Variants in NIM1K observed in about 807,000 individuals in gnomAD.
NIM1K encodes the protein NIM1 serine/threonine protein kinase.
Under a neutral mutation model 37.1 loss-of-function variants are expected in NIM1K, and 35 were observed. That is an observed-to-expected ratio of 0.94 (90% CI 0.72 to 1.25). The LOEUF is 1.25. NIM1K is among the 50% of genes most tolerant of loss of function. NIM1K has a pLI of 0.00. For synonymous variants in NIM1K, 234 were observed against 206.6 expected (o/e 1.13, Z -1.14); for missense variants, 564 against 548.0 (o/e 1.03, Z -0.29).
intron 1 of NIM1K, among the ~76,000 whole-genome samples, chr5:43,212,003 C>T (rs1048613089): frequency 9.2e-5 from 14 of 152,072 alleles, no homozygotes; most frequent in Non-Finnish European, 5.9e-5. Context: ...AAACAAAATT[C>T]GGATTTTTCT....
intron 1 of NIM1K, chr5:43,231,912 G>A: frequency 2.0e-6 from 2 of 1,008,676 alleles, no homozygotes; most frequent in East Asian, 7.7e-5. Context: ...ACTGGCCTCA[G>A]AAAACTCTCC....
chr5:43,262,990 A>G (rs1050553699), intron 2 of NIM1K, among the ~76,000 whole-genome samples: 2 of 152,096 alleles, frequency 1.3e-5, no homozygotes, highest in Non-Finnish European at 2.9e-5. Context: ...AAGCTTTTTG[A>G]TGTGCTGCTG....
intron 1 of NIM1K, among the ~76,000 whole-genome samples, chr5:43,231,094 G>C (rs1454962057): frequency 6.6e-6 from 1 of 152,196 alleles, no homozygotes. Flanking sequence ...GAGGCTGGGG[G>C]ATCACTTGAG....
intron 1 of NIM1K, among the ~76,000 whole-genome samples, chr5:43,228,235 C>T (rs1390724758): frequency 1.3e-5 from 2 of 152,148 alleles, no homozygotes; most frequent in East Asian, 3.9e-4. Flanking sequence ...CAACCTCTGC[C>T]TCCTGGGTTC....
At chr5:43,213,204 TC>T (rs1561074819) in intron 1 of NIM1K, among the ~76,000 whole-genome samples, 2,358 of 59,634 alleles carry the variant, frequency 0.04, 97 homozygotes, top group African/African-American at 0.096. Context: ...TTTCTTTCTT[TC>T]TTTCTTTCTT....
At chr5:43,198,151 C>CTTTG (rs767753587) in intron 1 of NIM1K, among the ~76,000 whole-genome samples, 1 of 47,608 alleles carries the variant, frequency 2.1e-5, no homozygotes, top group Non-Finnish European at 4.5e-5. Context: ...TTCTTTCTTT[C>CTTTG]TTTCTTTCTT....
At chr5:43,253,680 G>T (rs1486780138) in intron 2 of NIM1K, among the ~76,000 whole-genome samples, 9 of 148,342 alleles carry the variant, frequency 6.1e-5, no homozygotes, top group Non-Finnish European at 1.0e-4. Flanking sequence ...TTTTTTTTGA[G>T]ACGGAGTCTT....
At chr5:43,267,019 T>C (rs1220675030) in intron 2 of NIM1K, among the ~76,000 whole-genome samples, 2 of 152,226 alleles carry the variant, frequency 1.3e-5, no homozygotes, top group Non-Finnish European at 2.9e-5. Flanking sequence ...ATCTCAATAG[T>C]ATTGCTTCCA....
intron 1 of NIM1K, among the ~76,000 whole-genome samples, chr5:43,213,017 A>C (rs1752225457): frequency 6.6e-6 from 1 of 152,154 alleles, no homozygotes; most frequent in Non-Finnish European, 1.5e-5. Context: ...ATATTTAAGC[A>C]TCCACCTTTG....
intron 1 of NIM1K, among the ~76,000 whole-genome samples, chr5:43,204,027 C>CA (rs200364650): frequency 1.0e-3 from 118 of 116,212 alleles, no homozygotes; most frequent in South Asian, 2.8e-3. Flanking sequence ...ACTCCATCTC[C>CA]AAAAAAAAAA....
chr5:43,201,598 T>C (rs557508007), intron 1 of NIM1K, among the ~76,000 whole-genome samples: 1 of 151,704 alleles, frequency 6.6e-6, no homozygotes, highest in Admixed American at 6.6e-5. Context: ...CCATTCATAT[T>C]TGTGAAGCCA....
At chr5:43,258,930 C>T (rs1422793044) in intron 2 of NIM1K, among the ~76,000 whole-genome samples, 7 of 151,766 alleles carry the variant, frequency 4.6e-5, no homozygotes, top group Admixed American at 4.6e-4. Flanking sequence ...CCCTCCCACC[C>T]TACCCCTTCT....
At chr5:43,274,772 C>T (rs935263752) in intron 2 of NIM1K, among the ~76,000 whole-genome samples, 1 of 152,208 alleles carries the variant, frequency 6.6e-6, no homozygotes, top group Non-Finnish European at 1.5e-5. Flanking sequence ...TTCCAGAAGT[C>T]CCAGTGGACC....
chr5:43,233,187 C>T lies in NIM1K; in HGVS notation c.-694-11895C>T, dbSNP rs746036144. 141 of 1,171,206 alleles carry T rather than the reference C, an allele frequency of 1.2e-4. 1 individual carries two copies. The Middle Eastern group carries it at 3.0e-3, about 25-fold the overall frequency. The allele number at this position is 1,171,206 out of a possible 1,614,324, so 72.6% of individuals were successfully genotyped here. ...GCGGTCACGCATGATTACTGCTTCACGGCTGCCGAGGCGATGGTGGAGACA... is the reference window on the plus strand; with the variant it reads ...GCGGTCACGCATGATTACTGCTTCATGGCTGCCGAGGCGATGGTGGAGACA... On this transcript the variant is annotated intron_variant, in intron 1 of 3. Transcript: ENST00000326035.
In NIM1K at chr5:43,245,695, G is replaced by T; in HGVS notation, c.-81G>T. The T allele has an allele frequency of 7.3e-7, 1 of 1,363,714 alleles. No individual in the cohort carries two copies. The highest frequency in any genetic ancestry group is 1.5e-5 in the African/African-American group (1 of 68,778). The allele number at this position is 1,363,714 out of a possible 1,614,324, so 84.5% of individuals were successfully genotyped here. ...CCTGGGCACCTGCTGTCCTCAGTTG[G>T]CATCTCCCACCCTCTGAGCCTCTTC... is the stretch of plus-strand genomic sequence containing the variant. On this transcript the variant is annotated 5_prime_UTR_variant, in exon 2 of 4. Coordinates refer to ENST00000326035, the MANE Select transcript of NIM1K (RefSeq NM_153361.4).
chr5:43,248,206 G>C lies in NIM1K; in HGVS notation c.292+2139G>C, dbSNP rs191812543. 2.3e-4 allele frequency among the ~76,000 whole-genome samples: 35 copies of C among 152,254 alleles called. 1 individual carries two copies. Among genetic ancestry groups the C allele is most frequent in the African/African-American group, 7.9e-4 (33 of 41,554 alleles). ...TAGTTAGAGGAGAATGTGAACAAAC[G>C]CATTAATGTGGGGAAATGACATATA... is the stretch of plus-strand genomic sequence containing the variant. On this transcript the variant is annotated intron_variant, in intron 2 of 3. Coordinates refer to ENST00000326035, the MANE Select transcript of NIM1K (RefSeq NM_153361.4).
At chr5:43,268,640 C>T (rs1753206317) in intron 2 of NIM1K, among the ~76,000 whole-genome samples, 1 of 152,172 alleles carries the variant, frequency 6.6e-6, no homozygotes, top group African/African-American at 2.4e-5. Flanking sequence ...GGGGGAGTTG[C>T]ATATCTGTGA....
chr5:43,262,817 AG>A (rs1482342783), intron 2 of NIM1K, among the ~76,000 whole-genome samples: 2 of 152,092 alleles, frequency 1.3e-5, no homozygotes, highest in Admixed American at 1.3e-4. Flanking sequence ...TTTAGCATGA[AG>A]GGTTGTTGAA....
rs373211138 is a variant in NIM1K, at chr5:43,223,535, A to G, written c.-694-21547A>G. ...CATTTTCCACATTGCCTTACTACCT[A>G]GACATTTTCATAGTAACAGCCATGT... On this transcript the variant is annotated intron_variant, in intron 1 of 3. Transcript: ENST00000326035. Among the ~76,000 whole-genome samples the G allele has an allele frequency of 2.6e-5, 4 of 152,236 alleles. No homozygotes were observed. In the South Asian group the frequency reaches 8.3e-4, roughly 32 times the overall value.
Sources: allele counts gnomAD v4.1 joint callset (sites outside exome capture counted in the v4.1 genomes callset), GRCh38; gene constraint gnomAD v4.1.1; transcripts MANE v1.5; gene names NCBI Gene and HGNC (gene_info 2026-07-23, HGNC 2026-07-21).